Variants in NSD1 observed in about 807,000 individuals in gnomAD.
NSD1 encodes histone-lysine N-methyltransferase, H3 lysine-36 specific.
In NSD1, 26 loss-of-function variants were observed where a neutral mutation model predicts 242.7. The observed-to-expected ratio is 0.11, with a 90% confidence interval of 0.08 to 0.15. NSD1 has a LOEUF of 0.15. Among genes scored for constraint, NSD1 ranks in the 10% least tolerant of loss-of-function variants. NSD1 has a pLI of 1.00. For synonymous variants in NSD1, 1,106 were observed against 1,178.1 expected, an observed-to-expected ratio of 0.94 and a Z score of 1.25; for missense variants, 2,495 against 3,272.8, an observed-to-expected ratio of 0.76 and a Z score of 5.80.
intron 12 of NSD1, 84 bp downstream of exon 12, chr5:177,251,937 T>C: frequency 1.3e-6 from 2 of 1,560,546 alleles, no homozygotes; most frequent in East Asian, 4.5e-5. Flanking sequence ...GAGACACTAT[T>C]TTGTGGCAAC....
chr5:177,273,574 G>A, intron 16 of NSD1, 98 bp from the exon 17 acceptor site: 1 of 928,690 alleles, frequency 1.1e-6, no homozygotes, highest in Middle Eastern at 2.7e-4. Context: ...AAAACATGGA[G>A]TTTCTCCAAC....
chr5:177,150,355 T>TC (rs1757604167), intron 2 of NSD1, among the ~76,000 whole-genome samples: 1 of 152,024 alleles, frequency 6.6e-6, no homozygotes, highest in Admixed American at 6.6e-5. Flanking sequence ...GGTCTCAAAC[T>TC]CCTGAGTTCA....
chr5:177,215,782 C>T lies in NSD1; in HGVS notation c.3796+3587C>T, dbSNP rs191965270. ...TGTTGGGATTATAGGTGTGAGCCAC[C>T]GCACCCGGCCTACTTTTAATTTGAT... On this transcript the variant is annotated intron_variant, in intron 5 of 22. Transcript: ENST00000439151. 2.2e-3 allele frequency among the ~76,000 whole-genome samples: 334 copies of T among 152,148 alleles called. 1 individual carries two copies. Among genetic ancestry groups the T allele is most frequent in the African/African-American group, 7.6e-3 (316 of 41,510 alleles).
At chr5:177,157,571 C>T (rs987252610) in intron 2 of NSD1, among the ~76,000 whole-genome samples, 5 of 152,078 alleles carry the variant, frequency 3.3e-5, no homozygotes. Context: ...TGGTGGCATA[C>T]ACCTGTAATC....
At chr5:177,159,741 T>C (rs530360628) in intron 2 of NSD1, among the ~76,000 whole-genome samples, 6 of 151,628 alleles carry the variant, frequency 4.0e-5, no homozygotes, top group Admixed American at 1.3e-4. Flanking sequence ...TGCAGGCATA[T>C]ACCACCACGC....
rs565158897 is a variant in NSD1 at position 177,159,134 on chromosome 5, C to T, written c.927+23104C>T. On this transcript the variant is annotated intron_variant, in intron 2 of 22. Coordinates refer to ENST00000439151, the MANE Select transcript of NSD1 (RefSeq NM_022455.5). ...TTTGGCTTATGGCAGCCTCCGCCTC[C>T]GGGGTTCAAGTGATTCTTGTACCTC... Among the ~76,000 whole-genome samples the T allele has an allele frequency of 5.6e-4, 84 of 149,206 alleles. No individual in the cohort carries two copies. In the Middle Eastern group the frequency reaches 0.01, roughly 19 times the overall value.
intron 12 of NSD1, among the ~76,000 whole-genome samples, chr5:177,254,190 A>G (rs1756235685): frequency 6.7e-6 from 1 of 150,294 alleles, no homozygotes; most frequent in Non-Finnish European, 1.5e-5. Context: ...CAGGTGGTCC[A>G]CTCTCCTTGG....
In NSD1 at chr5:177,246,754, A is replaced by G; in HGVS notation, c.4455A>G (p.Lys1485=). ...CTGCAGCCAAGATGCAGTGTAAAAA[A>G]GTGAAAAATGATGACTCGTCAAAAG... ...RHAAAKMQCK[K]VKNDDSSKEI... The change falls in exon 10 of 23, where the codon AAA becomes AAG. Residue 1485 remains lysine (K), a synonymous_variant. Transcript: ENST00000439151. 6.2e-7 allele frequency: 1 copy of G among 1,614,162 alleles called. No individual in the cohort carries two copies. Among genetic ancestry groups the G allele is most frequent in the Non-Finnish European group, 8.5e-7 (1 of 1,179,980 alleles).
chr5:177,204,636 C>T (rs1050396256), intron 4 of NSD1, among the ~76,000 whole-genome samples: 1 of 152,072 alleles, frequency 6.6e-6, no homozygotes, highest in Non-Finnish European at 1.5e-5. Context: ...CTGTGCCTGG[C>T]CCGGCCTTTT....
At chr5:177,199,579 A>ATTTTC (rs372397508) in intron 3 of NSD1, among the ~76,000 whole-genome samples, 2,921 of 127,806 alleles carry the variant, frequency 0.023, 84 homozygotes, top group Admixed American at 0.097. Context: ...TCAACTTAAT[A>ATTTTC]TTTTCTTTTC....
intron 5 of NSD1, 38 bp downstream of exon 5, chr5:177,212,233 G>A (rs749470942): frequency 6.3e-7 from 1 of 1,586,144 alleles, no homozygotes; most frequent in Non-Finnish European, 8.6e-7. Flanking sequence ...AAAAAAATTG[G>A]AGAAAGTGCT....
intron 5 of NSD1, chr5:177,229,961 C>G (rs547102643): frequency 6.1e-6 from 1 of 163,904 alleles, no homozygotes; most frequent in Non-Finnish European, 1.3e-5. Context: ...CCAGGCTGGT[C>G]TCAAACTCCC....
chr5:177,202,580 T>C (rs891096563), intron 3 of NSD1, among the ~76,000 whole-genome samples: 1 of 152,114 alleles, frequency 6.6e-6, no homozygotes, highest in African/African-American at 2.4e-5. Flanking sequence ...GGTCTTGCTA[T>C]GTTTCCCAGG....
At chr5:177,161,680 CTTTTT>C (rs57657595) in intron 2 of NSD1, among the ~76,000 whole-genome samples, 1 of 135,244 alleles carries the variant, frequency 7.4e-6, no homozygotes, top group African/African-American at 2.8e-5. Context: ...TTCTTTCTTT[CTTTTT>C]TTTTTTTTTT....
rs1043901343 is a variant in NSD1 at position 177,134,857 on chromosome 5, A to G, written c.-17-230A>G. Reference sequence around the variant, plus strand: ...TGTCCACCAGTCTACAGAGGAGGAAAAAGAGACGGGCTGTTTCTATGTAGC... The same window carrying G: ...TGTCCACCAGTCTACAGAGGAGGAAGAAGAGACGGGCTGTTTCTATGTAGC... On this transcript the variant is annotated intron_variant, in intron 1 of 22. Transcript: ENST00000439151. The surrounding 1 kb of genome is among the most constrained non-coding windows in gnomAD (Gnocchi z 4.2). 4.6e-5 allele frequency among the ~76,000 whole-genome samples: 7 copies of G among 152,192 alleles called. No individual in the cohort carries two copies. Among genetic ancestry groups the G allele is most frequent in the African/African-American group, 1.7e-4 (7 of 41,444 alleles).
intron 5 of NSD1, among the ~76,000 whole-genome samples, chr5:177,212,880 C>G (rs753608981): frequency 6.6e-6 from 1 of 151,940 alleles, no homozygotes; most frequent in Non-Finnish European, 1.5e-5. Flanking sequence ...CTCAAGTGAT[C>G]CGCCCACCAA....
At chr5:177,198,440 G>A (rs1041569875) in intron 3 of NSD1, among the ~76,000 whole-genome samples, 3 of 152,112 alleles carry the variant, frequency 2.0e-5, no homozygotes, top group Non-Finnish European at 2.9e-5. Flanking sequence ...TTGCTGTGTC[G>A]TCATTTGGCA....
intron 2 of NSD1, among the ~76,000 whole-genome samples, chr5:177,182,105 TC>T: frequency 1.3e-5 from 2 of 149,558 alleles, no homozygotes; most frequent in Non-Finnish European, 3.0e-5. Context: ...TGAGTGGAGA[TC>T]GCGCCACCGC....
intron 2 of NSD1, chr5:177,169,500 T>TA (rs1460012297): frequency 1.2e-5 from 2 of 160,216 alleles, no homozygotes; most frequent in Non-Finnish European, 2.8e-5. Context: ...GGCCGGCTAC[T>TA]ACTCCTCATC....
Sources: allele counts gnomAD v4.1 joint callset (sites outside exome capture counted in the v4.1 genomes callset), GRCh38; gene constraint gnomAD v4.1.1; non-coding constraint Gnocchi (gnomAD v3.1); transcripts MANE v1.5; gene names NCBI Gene and HGNC (gene_info 2026-07-23, HGNC 2026-07-21).